Variants in ATRX observed in about 807,000 individuals in gnomAD.
ATRX encodes the protein chromatin remodeler ATRX.
In ATRX, 12 loss-of-function variants were observed where a neutral mutation model predicts 172.6. The ratio of observed to expected loss-of-function variants is 0.07; its 90% CI spans 0.04 to 0.11. The LOEUF (loss-of-function observed/expected upper bound fraction) is 0.11, where lower values mean the gene tolerates loss of function less well. ATRX is among the 10% of genes least tolerant of loss of function. The pLI is 1.00. For missense variants in ATRX, 1,368 were observed against 1,767.4 expected, an observed-to-expected ratio of 0.77 and a Z score of 4.05; for synonymous variants, 674 against 594.7, an observed-to-expected ratio of 1.13 and a Z score of -1.94.
chrX:77,553,526 C>G (rs2147921533), intron 30 of ATRX, among the ~76,000 whole-genome samples: 1 of 111,929 alleles, frequency 8.9e-6, no homozygotes, highest in South Asian at 3.7e-4. Flanking sequence ...TTGATTCCCA[C>G]CTACCTTTCC....
intron 15 of ATRX, among the ~76,000 whole-genome samples, chrX:77,650,751 A>AT (rs1557116262): frequency 1.1e-4 from 12 of 109,752 alleles, no homozygotes; most frequent in Admixed American, 9.7e-5. Context: ...TACCTGGCTA[A>AT]TTTTTTTTGT....
intron 19 of ATRX, among the ~76,000 whole-genome samples, chrX:77,621,131 A>G (rs1371462903): frequency 9.0e-6 from 1 of 111,223 alleles, no homozygotes; most frequent in Non-Finnish European, 1.9e-5. Flanking sequence ...TTAAGCTATA[A>G]AAGATCTTAA....
intron 12 of ATRX, among the ~76,000 whole-genome samples, chrX:77,658,030 G>A (rs782543379): frequency 9.1e-6 from 1 of 110,437 alleles, no homozygotes; most frequent in Non-Finnish European, 1.9e-5. Context: ...GCAACATAGG[G>A]AGATTCTGTC....
chrX:77,692,317 C>A (rs1190992846), intron 6 of ATRX, among the ~76,000 whole-genome samples: 1 of 111,552 alleles, frequency 9.0e-6, no homozygotes, highest in Non-Finnish European at 1.9e-5. Context: ...CTTTAATGAG[C>A]TCTGTTGCTG....
intron 22 of ATRX, among the ~76,000 whole-genome samples, chrX:77,604,951 G>A (rs782370285): frequency 8.9e-6 from 1 of 112,113 alleles, no homozygotes; most frequent in South Asian, 3.7e-4. Flanking sequence ...TAAATAATGT[G>A]AACACATGGA....
intron 1 of ATRX, among the ~76,000 whole-genome samples, chrX:77,772,099 A>G (rs1306400503): frequency 9.0e-6 from 1 of 110,825 alleles, no homozygotes; most frequent in African/African-American, 3.3e-5. Context: ...GTTCGAGACC[A>G]TCCTGACCAA....
At chrX:77,607,708 CAAAAAAA>C (rs35946932) in intron 22 of ATRX, among the ~76,000 whole-genome samples, 1 of 41,160 alleles carries the variant, frequency 2.4e-5, no homozygotes, top group South Asian at 2.0e-3. Context: ...GACTCTGTCT[CAAAAAAA>C]AAAAAAAAAA....
intron 22 of ATRX, among the ~76,000 whole-genome samples, chrX:77,604,986 T>C (rs1447241557): frequency 8.9e-6 from 1 of 111,732 alleles, no homozygotes; most frequent in East Asian, 2.8e-4. Context: ...TGACAGACAA[T>C]GGAGACTTGG....
At chrX:77,731,085 T>TA (rs782512439) in intron 1 of ATRX, among the ~76,000 whole-genome samples, 116 of 48,518 alleles carry the variant, frequency 2.4e-3, no homozygotes, top group Middle Eastern at 0.027. Context: ...TTGGCCAGAG[T>TA]AAAAAAAAAA....
intron 2 of ATRX, among the ~76,000 whole-genome samples, chrX:77,708,369 T>C (rs528294600): frequency 1.8e-5 from 2 of 112,288 alleles, no homozygotes; most frequent in South Asian, 3.6e-4. Context: ...AAGTCCAAAA[T>C]AGGGAAATAG....
chrX:77,679,968 T>C (rs1435358087), intron 9 of ATRX, among the ~76,000 whole-genome samples: 1 of 111,997 alleles, frequency 8.9e-6, no homozygotes, highest in Non-Finnish European at 1.9e-5. Flanking sequence ...ATCCCTTATA[T>C]ATAATTTTGA....
Position 77,508,346 on chromosome X carries a change from C to CA in ATRX, c.*4dup, listed in dbSNP as rs781881349. ...TTAACAATCCATTAAGCTTTTAGTG[C>CA]AAAATCACATTGATTTCCCTTGGGA... On this transcript the variant is annotated 3_prime_UTR_variant, in exon 35 of 35. Coordinates refer to ENST00000373344, the MANE Select transcript of ATRX (RefSeq NM_000489.6). 5.8e-6 allele frequency: 7 copies of CA among 1,208,632 alleles called. No homozygotes were observed. Among genetic ancestry groups the CA allele is most frequent in the African/African-American group, 1.7e-5 (1 of 57,150 alleles).
chrX:77,580,281 A>C (rs2065783186), intron 27 of ATRX, among the ~76,000 whole-genome samples: 1 of 112,081 alleles, frequency 8.9e-6, no homozygotes, highest in Non-Finnish European at 1.9e-5. Context: ...AGAAACCCAA[A>C]TCTAAAGAAA....
chrX:77,720,633 T>A (rs1435514889), intron 1 of ATRX, among the ~76,000 whole-genome samples: 3 of 111,165 alleles, frequency 2.7e-5, no homozygotes, highest in Non-Finnish European at 5.7e-5. Context: ...AAGGAAGAAG[T>A]CGAATCCCTG....
intron 2 of ATRX, among the ~76,000 whole-genome samples, chrX:77,711,951 T>G (rs1165112724): frequency 8.9e-6 from 1 of 112,532 alleles, no homozygotes; most frequent in Non-Finnish European, 1.9e-5. Flanking sequence ...CTTTTAGTCC[T>G]AACCAGGCTG....
At position 77,654,171 on chromosome X, in the gene ATRX, T is replaced by C. The variant is rs782562458; in HGVS notation, c.4244A>G (p.Asn1415Ser). 8.3e-7 allele frequency: 1 copy of C among 1,210,623 alleles called. No homozygotes were observed. Among genetic ancestry groups the C allele is most frequent in the Non-Finnish European group, 1.1e-6 (1 of 894,635 alleles). ...RSAKKAELEE[N>S]QRSYKQKKKR... ...CTTTTTCTGTTTATAGCTCCGCTGA[T>C]TTTCTTCCAACTCTGCTTTCTTTGC... The change falls in exon 14 of 35, where the codon AAT (asparagine) becomes AGT (serine). Residue 1415 changes from asparagine to serine, a missense_variant. This residue lies in a region of ATRX where 119 missense variants were observed against 131.3 expected (regional missense o/e 0.91). Transcript: ENST00000373344.
At chrX:77,624,506 A>G (rs888040492) in intron 19 of ATRX, among the ~76,000 whole-genome samples, 3 of 112,302 alleles carry the variant, frequency 2.7e-5, no homozygotes, top group Non-Finnish European at 5.6e-5. Context: ...CCTAGAACTG[A>G]TAAAAGAATT....
intron 1 of ATRX, among the ~76,000 whole-genome samples, chrX:77,772,201 G>A (rs1480235847): frequency 9.2e-6 from 1 of 108,763 alleles, no homozygotes; most frequent in Non-Finnish European, 1.9e-5. Flanking sequence ...AGGAGGCTGA[G>A]GCAGAATTGC....
chrX:77,689,494 A>G (rs2071767416), intron 6 of ATRX, among the ~76,000 whole-genome samples: 2 of 109,165 alleles, frequency 1.8e-5, no homozygotes, highest in African/African-American at 7.1e-5. Flanking sequence ...TTCTATGTGT[A>G]CTCCACTATC....
Sources: allele counts gnomAD v4.1 joint callset (sites outside exome capture counted in the v4.1 genomes callset), GRCh38; gene constraint gnomAD v4.1.1; regional missense constraint gnomAD v4.1.1; transcripts MANE v1.5; gene names NCBI Gene and HGNC (gene_info 2026-07-23, HGNC 2026-07-21).